The following CLDN10 variants were observed in gnomAD, a reference collection of about 807,000 sequenced individuals.
The protein encoded by CLDN10 is claudin 10, also known as claudin-10.
A neutral mutation model predicts 22.9 loss-of-function variants in CLDN10; 15 were observed. That is an observed-to-expected ratio of 0.65 (90% CI 0.44 to 1.01). The LOEUF (loss-of-function observed/expected upper bound fraction) is 1.01. Ranked by LOEUF, CLDN10 falls within the 50% of genes least tolerant of loss-of-function variation. The probability of loss-of-function intolerance (pLI) is 0.00; values close to 1 mark genes in which losing one functional copy is unlikely to be tolerated. For missense variants in CLDN10, 247 were observed against 287.8 expected (o/e 0.86, Z 1.03); for synonymous variants, 114 against 111.4 (o/e 1.02, Z -0.15).
At chr13:95,445,838 A>G (rs1379164059) in intron 1 of CLDN10, among the ~76,000 whole-genome samples, 1 of 152,246 alleles carries the variant, frequency 6.6e-6, no homozygotes, top group African/African-American at 2.4e-5. Flanking sequence ...AGGTGACATT[A>G]GCGGCACAGG....
At chr13:95,483,773 C>T (rs2042774586) in intron 1 of CLDN10, among the ~76,000 whole-genome samples, 1 of 152,186 alleles carries the variant, frequency 6.6e-6, no homozygotes, top group African/African-American at 2.4e-5. Flanking sequence ...ATCCATTGGT[C>T]ACTCGATATG....
chr13:95,561,567 A>T (rs1404284491), intron 3 of CLDN10, among the ~76,000 whole-genome samples: 1 of 152,020 alleles, frequency 6.6e-6, no homozygotes, highest in Non-Finnish European at 1.5e-5. Flanking sequence ...CTCTTTTTTT[A>T]AATTGAGGAA....
At chr13:95,442,133 A>G (rs1394717410) in intron 1 of CLDN10, among the ~76,000 whole-genome samples, 1 of 152,220 alleles carries the variant, frequency 6.6e-6, no homozygotes, top group Non-Finnish European at 1.5e-5. Flanking sequence ...CTTGGGTGAC[A>G]GAGTGAGACC....
chr13:95,504,746 C>T (rs925434477), intron 1 of CLDN10, among the ~76,000 whole-genome samples: 5 of 151,976 alleles, frequency 3.3e-5, no homozygotes, highest in Admixed American at 6.6e-5. Context: ...CTATGTTGCC[C>T]GGGATGGTCT....
upstream of CLDN10, among the ~76,000 whole-genome samples, chr13:95,550,964 C>T (rs139863588): frequency 6.3e-4 from 95 of 151,858 alleles, 1 homozygote; most frequent in African/African-American, 2.0e-3. Flanking sequence ...TGAGCCACTG[C>T]GCCCAGCCAG....
At chr13:95,493,392 A>G (rs1245993584) in intron 1 of CLDN10, among the ~76,000 whole-genome samples, 3 of 152,074 alleles carry the variant, frequency 2.0e-5, no homozygotes. Flanking sequence ...TTATGCAACC[A>G]TCACCACCAC....
chr13:95,462,493 A>G (rs2042544337), intron 1 of CLDN10, among the ~76,000 whole-genome samples: 1 of 152,240 alleles, frequency 6.6e-6, no homozygotes, highest in African/African-American at 2.4e-5. Flanking sequence ...AAGGAAGCCA[A>G]GAGGCCCAGA....
At chr13:95,502,315 G>A (rs560524974) in intron 1 of CLDN10, among the ~76,000 whole-genome samples, 3 of 152,260 alleles carry the variant, frequency 2.0e-5, no homozygotes, top group African/African-American at 7.2e-5. Flanking sequence ...CCTCCCACCT[G>A]CTTAATTATA....
At chr13:95,501,243 A>C (rs1221559776) in intron 1 of CLDN10, among the ~76,000 whole-genome samples, 2 of 152,128 alleles carry the variant, frequency 1.3e-5, no homozygotes, top group Admixed American at 6.6e-5. Flanking sequence ...TGAACTCCTG[A>C]CCTCAACTGA....
At chr13:95,541,548 G>A (rs1369493115) in intron 1 of CLDN10, among the ~76,000 whole-genome samples, 5 of 152,038 alleles carry the variant, frequency 3.3e-5, no homozygotes, top group African/African-American at 1.2e-4. Flanking sequence ...TGTTTGCACT[G>A]TCTGAAGGGG....
intron 1 of CLDN10, among the ~76,000 whole-genome samples, chr13:95,470,268 T>C (rs2042617462): frequency 6.6e-6 from 1 of 152,118 alleles, no homozygotes; most frequent in Non-Finnish European, 1.5e-5. Context: ...TAAGATTAGA[T>C]TGTTTTTGTT....
intron 1 of CLDN10, among the ~76,000 whole-genome samples, chr13:95,445,230 G>A (rs1351694623): frequency 6.6e-6 from 1 of 152,246 alleles, no homozygotes; most frequent in Non-Finnish European, 1.5e-5. Context: ...TGCAGGAACA[G>A]GAAGCACATA....
intron 1 of CLDN10, among the ~76,000 whole-genome samples, chr13:95,490,456 T>G (rs777965348): frequency 1.3e-5 from 2 of 152,180 alleles, no homozygotes; most frequent in African/African-American, 2.4e-5. Flanking sequence ...GGGGTTTTGA[T>G]AGGCTGTGTC....
At chr13:95,529,383 CA>C (rs1165929519) in intron 1 of CLDN10, among the ~76,000 whole-genome samples, 11 of 111,396 alleles carry the variant, frequency 9.9e-5, no homozygotes, top group Non-Finnish European at 2.2e-4. Context: ...TGAATAAACA[CA>C]TTTTTTTTCA....
chr13:95,499,486 G>A (rs1176700538), intron 1 of CLDN10, among the ~76,000 whole-genome samples: 2 of 152,162 alleles, frequency 1.3e-5, no homozygotes, highest in Admixed American at 1.3e-4. Context: ...AGTTTGCAGT[G>A]AGCCGAGATC....
intron 1 of CLDN10, among the ~76,000 whole-genome samples, chr13:95,522,355 T>C (rs982463970): frequency 6.6e-6 from 1 of 152,064 alleles, no homozygotes; most frequent in African/African-American, 2.4e-5. Context: ...TTATTCTAAA[T>C]TTTATAATTT....
At chr13:95,548,484 A>G (rs1335529099), upstream of CLDN10, among the ~76,000 whole-genome samples, 1 of 152,224 alleles carries the variant, frequency 6.6e-6, no homozygotes, top group Non-Finnish European at 1.5e-5. Context: ...TAATTTGCAA[A>G]AAAAATTATA....
intron 1 of CLDN10, among the ~76,000 whole-genome samples, chr13:95,505,749 C>CTTTTTTTTTTTTTT (rs34828390): frequency 2.9e-5 from 3 of 103,738 alleles, no homozygotes; most frequent in Non-Finnish European, 5.6e-5. Context: ...CCTTCCCTTT[C>CTTTTTTTTTTTTTT]TTTTTTTTTT....
intron 1 of CLDN10, among the ~76,000 whole-genome samples, chr13:95,509,773 G>A (rs1214730654): frequency 6.6e-6 from 1 of 152,000 alleles, no homozygotes; most frequent in Admixed American, 6.6e-5. Flanking sequence ...GTCATTGGTG[G>A]TTTCCTGCCA....
Sources: allele counts gnomAD v4.1 joint callset (sites outside exome capture counted in the v4.1 genomes callset), GRCh38; gene constraint gnomAD v4.1.1; transcripts MANE v1.5; gene names NCBI Gene and HGNC (gene_info 2026-07-23, HGNC 2026-07-21).